The following ANKRD12 variants were observed in gnomAD, a reference collection of about 807,000 sequenced individuals.
The protein encoded by ANKRD12 is ankyrin repeat domain 12.
Under a neutral mutation model 183.4 loss-of-function variants are expected in ANKRD12, and 85 were observed. That is an observed-to-expected ratio of 0.46 (90% CI 0.39 to 0.56). ANKRD12 has a LOEUF of 0.56. Among genes scored for constraint, ANKRD12 ranks in the 20% least tolerant of loss-of-function variants. The pLI is 0.00. For synonymous variants in ANKRD12, 914 were observed against 800.2 expected (o/e 1.14, Z -2.40); for missense variants, 2,405 against 2,357.1 (o/e 1.02, Z -0.42).
chr18:9,222,822 T>A (rs924980628), intron 8 of ANKRD12, among the ~76,000 whole-genome samples: 2 of 152,188 alleles, frequency 1.3e-5, no homozygotes, highest in Admixed American at 1.3e-4. Flanking sequence ...GGAAAGGCAA[T>A]TGAAAGAACA....
intron 9 of ANKRD12, chr18:9,259,734 C>T (rs943682964): frequency 5.9e-5 from 9 of 152,210 alleles, no homozygotes; most frequent in Non-Finnish European, 1.3e-4. Flanking sequence ...TAGTAGAAAG[C>T]ACTGTAGATT....
intron 1 of ANKRD12, among the ~76,000 whole-genome samples, chr18:9,178,041 G>A (rs1419331339): frequency 6.6e-6 from 1 of 152,172 alleles, no homozygotes; most frequent in Non-Finnish European, 1.5e-5. Flanking sequence ...ATAAAGATGT[G>A]ATTTGCAAGT....
Position 9,207,556 on chromosome 18 carries a change from T to C in ANKRD12, c.305-1101T>C, listed in dbSNP as rs371048884. On this transcript the variant is annotated intron_variant, in intron 4 of 12. Coordinates refer to ENST00000262126, the MANE Select transcript of ANKRD12 (RefSeq NM_015208.5). Reference sequence around the variant, plus strand: ...CCTGCTAATAATATCAGGTTTTAATTAGTTTTCTAAACTTGCTAGATTAAA... The same window carrying C: ...CCTGCTAATAATATCAGGTTTTAATCAGTTTTCTAAACTTGCTAGATTAAA... Among the ~76,000 whole-genome samples, 9 of 152,258 alleles carry C rather than the reference T, an allele frequency of 5.9e-5. No homozygotes were observed. The East Asian group carries it at 9.6e-4, about 16-fold the overall frequency.
At chr18:9,179,917 G>A (rs72937245) in intron 1 of ANKRD12, among the ~76,000 whole-genome samples, 11,163 of 152,296 alleles carry the variant, frequency 0.073, 423 homozygotes, top group African/African-American at 0.082. Context: ...ATCTTGGGGA[G>A]TATTCTGTGT....
chr18:9,200,616 G>A (rs9304034), intron 3 of ANKRD12: 85,073 of 151,494 alleles, frequency 0.56, 24,922 homozygotes, highest in South Asian at 0.75. Context: ...AGCCCCCTAC[G>A]AGCACTGGCC....
chr18:9,139,817 C>A (rs1043397664), intron 1 of ANKRD12, among the ~76,000 whole-genome samples: 2 of 152,150 alleles, frequency 1.3e-5, no homozygotes, highest in African/African-American at 4.8e-5. Flanking sequence ...CTCTGATTTT[C>A]TTTATTCATT....
At chr18:9,184,500 C>T (rs187022374) in intron 2 of ANKRD12, among the ~76,000 whole-genome samples, 361 of 152,116 alleles carry the variant, frequency 2.4e-3, no homozygotes, top group Non-Finnish European at 4.4e-3. Flanking sequence ...TCAAGCAATC[C>T]TTCCACCTCA....
intron 3 of ANKRD12, among the ~76,000 whole-genome samples, chr18:9,197,591 T>C (rs991555550): frequency 6.6e-6 from 1 of 152,130 alleles, no homozygotes; most frequent in African/African-American, 2.4e-5. Flanking sequence ...TGTTACGTTA[T>C]TTTTTTCTTT....
rs764524571 is a variant in ANKRD12 at position 9,255,437 on chromosome 18, T to C, written c.2170T>C (p.Ser724Pro). Residue 724 changes from serine (S) to proline (P), a missense_variant, in exon 9 of 13, where the codon TCA becomes CCA. By Grantham distance (74) the Ser-to-Pro change is moderately conservative. Coordinates refer to ENST00000262126, the MANE Select transcript of ANKRD12 (RefSeq NM_015208.5). ...TGAATCCTTAACATTAGAAAAAAAA[T>C]CAAAATTGGAAAAAAACATCAAAGA... The part of the protein sequence containing the change: ...EHESLTLEKK[S>P]KLEKNIKDDK... The C allele has an allele frequency of 5.1e-6, 8 of 1,565,364 alleles. No homozygotes were observed. Among genetic ancestry groups the C allele is most frequent in the Admixed American group, 2.1e-5 (1 of 46,730 alleles).
intron 2 of ANKRD12, among the ~76,000 whole-genome samples, chr18:9,189,777 A>G (rs1170056831): frequency 6.6e-6 from 1 of 152,206 alleles, no homozygotes. Flanking sequence ...CTTACTAAGA[A>G]AAAAGGATTA....
In ANKRD12 at chr18:9,256,619, C is replaced by T. The variant is rs138287524; in HGVS notation, c.3352C>T (p.Leu1118Phe). ...ERLRNRNCLE[L>F]KIKDKEKTKH... ...GTTGAGAAACCGAAACTGTTTAGAA[C>T]TTAAAATAAAAGATAAAGAAAAAAC... Residue 1118 changes from leucine to phenylalanine, a missense_variant, in exon 9 of 13, where the codon CTT becomes TTT. By Grantham distance (22) the Leu-to-Phe change is conservative. Transcript: ENST00000262126. 9.5e-5 allele frequency: 152 copies of T among 1,604,232 alleles called. No individual in the cohort carries two copies. Among genetic ancestry groups the T allele is most frequent in the Admixed American group, 1.6e-4 (9 of 57,632 alleles).
At chr18:9,163,493 A>AGGATT (rs2031687054) in intron 1 of ANKRD12, among the ~76,000 whole-genome samples, 2 of 152,034 alleles carry the variant, frequency 1.3e-5, no homozygotes, top group African/African-American at 4.8e-5. Context: ...CTTTTTCCTT[A>AGGATT]GGATTGTCTT....
At chr18:9,240,415 C>T (rs10502391) in intron 8 of ANKRD12, among the ~76,000 whole-genome samples, 9,592 of 152,064 alleles carry the variant, frequency 0.063, 327 homozygotes, top group Non-Finnish European at 0.079. Flanking sequence ...TGCTACGGTG[C>T]GAGAACTCAG....
At chr18:9,202,660 A>G (rs2035244744) in intron 3 of ANKRD12, among the ~76,000 whole-genome samples, 1 of 152,188 alleles carries the variant, frequency 6.6e-6, no homozygotes, top group Non-Finnish European at 1.5e-5. Context: ...TGTGGGAGAG[A>G]GAATGGCTCT....
chr18:9,262,787 C>CTTTTTTTTTTT (rs71168048), intron 9 of ANKRD12, among the ~76,000 whole-genome samples: 1 of 83,774 alleles, frequency 1.2e-5, no homozygotes, highest in African/African-American at 5.7e-5. Flanking sequence ...CAAGATGTCC[C>CTTTTTTTTTTT]TTTTTTTTTT....
At chr18:9,278,298 C>G (rs2039950093) in intron 11 of ANKRD12, among the ~76,000 whole-genome samples, 1 of 152,170 alleles carries the variant, frequency 6.6e-6, no homozygotes, top group Non-Finnish European at 1.5e-5. Context: ...GGAAAAAAGT[C>G]TACTTTTCTT....
At chr18:9,153,414 A>T (rs183829474) in intron 1 of ANKRD12, among the ~76,000 whole-genome samples, 205 of 152,302 alleles carry the variant, frequency 1.3e-3, no homozygotes, top group African/African-American at 4.6e-3. Flanking sequence ...CCTCTCTAGA[A>T]CATTTTGAAA....
intron 8 of ANKRD12, 88 bp downstream of exon 8, chr18:9,222,087 T>C (rs2036452342): frequency 1.4e-6 from 2 of 1,477,236 alleles, no homozygotes; most frequent in Non-Finnish European, 1.8e-6. Context: ...TACAAAATGT[T>C]TGAATACTTT....
chr18:9,215,007 TA>T (rs2036014021), intron 6 of ANKRD12, among the ~76,000 whole-genome samples: 1 of 152,132 alleles, frequency 6.6e-6, no homozygotes, highest in South Asian at 2.1e-4. Context: ...GATGGTTTAA[TA>T]ATTTTAGAAC....
Sources: allele counts gnomAD v4.1 joint callset (sites outside exome capture counted in the v4.1 genomes callset), GRCh38; gene constraint gnomAD v4.1.1; transcripts MANE v1.5; gene names NCBI Gene and HGNC (gene_info 2026-07-23, HGNC 2026-07-21).